Variants in ZNF451 observed in about 807,000 individuals in gnomAD.
ZNF451 encodes E3 SUMO-protein ligase ZNF451.
A neutral mutation model predicts 107.1 loss-of-function variants in ZNF451; 80 were observed. The ratio of observed to expected loss-of-function variants is 0.75; its 90% CI spans 0.62 to 0.90. ZNF451 has a LOEUF of 0.90. Among genes scored for constraint, ZNF451 ranks in the 40% least tolerant of loss-of-function variants. ZNF451 has a pLI of 0.00. For missense variants in ZNF451, 1,107 were observed against 1,236.2 expected, an observed-to-expected ratio of 0.90 and a Z score of 1.57; for synonymous variants, 362 against 406.5, an observed-to-expected ratio of 0.89 and a Z score of 1.32.
At chr6:57,122,327 T>A (rs951198888) in intron 3 of ZNF451, among the ~76,000 whole-genome samples, 1 of 152,164 alleles carries the variant, frequency 6.6e-6, no homozygotes, top group Admixed American at 6.5e-5. Context: ...GCAAAGAATT[T>A]ATGATGAAGA....
chr6:57,115,109 A>T (rs1830302326), intron 3 of ZNF451: 3 of 152,092 alleles, frequency 2.0e-5, no homozygotes, highest in Admixed American at 1.3e-4. Flanking sequence ...AAATAAGAAA[A>T]ACTTGCTGGG....
chr6:57,138,735 ATATATATGTGTGTGTGTGTG>A (rs1386221443), intron 7 of ZNF451, among the ~76,000 whole-genome samples: 65 of 104,974 alleles, frequency 6.2e-4, no homozygotes, highest in African/African-American at 2.4e-3. Flanking sequence ...ATATATATAT[ATATATATGTGTGTGTGTGTG>A]TGTGTGTGTG....
At chr6:57,159,116 G>A (rs1763557575) in intron 13 of ZNF451, 5 of 985,176 alleles carry the variant, frequency 5.1e-6, no homozygotes, top group Non-Finnish European at 6.0e-6. Context: ...AAAATATGTT[G>A]ATAAAATTAA....
intron 10 of ZNF451, among the ~76,000 whole-genome samples, 166 bp downstream of exon 10, chr6:57,148,859 C>T (rs567060709): frequency 3.3e-5 from 5 of 152,160 alleles, no homozygotes; most frequent in Middle Eastern, 3.4e-3. Flanking sequence ...CTACATTTAT[C>T]CACTTTCTAA....
At chr6:57,102,476 T>C in intron 3 of ZNF451, 4 of 995,314 alleles carry the variant, frequency 4.0e-6, no homozygotes, top group Non-Finnish European at 4.8e-6. Flanking sequence ...ATTTTGAATC[T>C]AGAAATAATA....
chr6:57,096,173 TCTG>T (rs1829297774), intron 2 of ZNF451, among the ~76,000 whole-genome samples: 1 of 146,442 alleles, frequency 6.8e-6, no homozygotes, highest in South Asian at 2.2e-4. Flanking sequence ...TTTCTTTCTT[TCTG>T]TTTTTTTTTT....
At chr6:57,141,856 T>A (rs1156856677) in intron 8 of ZNF451, 92 bp from the exon 9 acceptor site, 1 of 1,106,212 alleles carries the variant, frequency 9.0e-7, no homozygotes, top group Non-Finnish European at 1.3e-6. Flanking sequence ...TTTTACTTAC[T>A]CCAACTAATG....
At chr6:57,124,713 A>C in intron 3 of ZNF451, 21 bp from the exon 4 acceptor site, 1 of 1,524,526 alleles carries the variant, frequency 6.6e-7, no homozygotes, top group Non-Finnish European at 9.1e-7. Flanking sequence ...AAAAGGAATG[A>C]AAATTTTTTT....
intron 3 of ZNF451, among the ~76,000 whole-genome samples, chr6:57,114,396 A>G (rs1050626809): frequency 9.4e-5 from 14 of 149,364 alleles, no homozygotes; most frequent in African/African-American, 3.6e-4. Context: ...GTAAAAAAAT[A>G]TATACAAATT....
chr6:57,102,050 A>G, intron 3 of ZNF451: 2 of 1,536,616 alleles, frequency 1.3e-6, no homozygotes, highest in Admixed American at 2.1e-5. Context: ...CCCTATAGAT[A>G]TAGAAAGAAG....
intron 3 of ZNF451, chr6:57,101,120 A>G (rs554822230): frequency 6.5e-7 from 1 of 1,550,318 alleles, no homozygotes; most frequent in East Asian, 2.4e-5. Context: ...ACAGTTGAAG[A>G]AGAAACTGAT....
At chr6:57,102,908 C>G (rs548362364) in intron 3 of ZNF451, 1 of 985,390 alleles carries the variant, frequency 1.0e-6, no homozygotes, top group Non-Finnish European at 1.2e-6. Flanking sequence ...GTTATCAATC[C>G]TAATAGTCTT....
intron 4 of ZNF451, among the ~76,000 whole-genome samples, chr6:57,125,519 C>T (rs1045156915): frequency 1.3e-5 from 2 of 152,216 alleles, no homozygotes; most frequent in South Asian, 2.1e-4. Context: ...AATCATGCCT[C>T]TGGCCAGCAG....
chr6:57,120,341 T>C (rs1471208878), intron 3 of ZNF451, among the ~76,000 whole-genome samples: 1 of 152,248 alleles, frequency 6.6e-6, no homozygotes, highest in Non-Finnish European at 1.5e-5. Context: ...TCTTGGTTGC[T>C]TCCAAGTTTT....
chr6:57,109,309 T>G, intron 3 of ZNF451: 2 of 985,410 alleles, frequency 2.0e-6, no homozygotes, highest in Non-Finnish European at 2.4e-6. Flanking sequence ...ACACATTTTT[T>G]TTTTTTAACT....
At chr6:57,141,684 T>C (rs1042750409) in intron 8 of ZNF451, among the ~76,000 whole-genome samples, 1 of 152,178 alleles carries the variant, frequency 6.6e-6, no homozygotes, top group Non-Finnish European at 1.5e-5. Context: ...GAAGCAAATA[T>C]TTATTCAGGA....
At chr6:57,106,164 T>G in intron 3 of ZNF451, 2 of 985,404 alleles carry the variant, frequency 2.0e-6, no homozygotes, top group Non-Finnish European at 2.4e-6. Flanking sequence ...AATCCCTTTG[T>G]CTGGTAAAAT....
chr6:57,099,834 T>G (rs754390724), intron 3 of ZNF451, among the ~76,000 whole-genome samples: 4 of 152,242 alleles, frequency 2.6e-5, no homozygotes, highest in Non-Finnish European at 5.9e-5. Context: ...TTAGTTATTG[T>G]TCAGAGTGGC....
chr6:57,137,469 G>C (rs1012085044), intron 7 of ZNF451, among the ~76,000 whole-genome samples: 23 of 152,228 alleles, frequency 1.5e-4, no homozygotes, highest in South Asian at 2.1e-4. Context: ...CTCAGGTGGA[G>C]CCTTAGATTC....
Sources: allele counts gnomAD v4.1 joint callset (sites outside exome capture counted in the v4.1 genomes callset), GRCh38; gene constraint gnomAD v4.1.1; transcripts MANE v1.5; gene names NCBI Gene and HGNC (gene_info 2026-07-23, HGNC 2026-07-21).